CFAP251: variants seen among roughly 807,000 people sequenced by gnomAD.
The protein encoded by CFAP251 is cilia- and flagella-associated protein 251.
Under a neutral mutation model 126.7 loss-of-function variants are expected in CFAP251, and 93 were observed. That is an observed-to-expected ratio of 0.73 (90% confidence interval 0.62 to 0.87). CFAP251 has a LOEUF of 0.87. Ranked by LOEUF, CFAP251 falls within the 40% of genes least tolerant of loss-of-function variation. The pLI is 0.00. For synonymous variants in CFAP251, 503 were observed against 506.9 expected (o/e 0.99, Z 0.10); for missense variants, 1,287 against 1,389.2 (o/e 0.93, Z 1.17).
intron 15 of CFAP251, among the ~76,000 whole-genome samples, chr12:121,965,624 G>T (rs1882094042): frequency 6.6e-6 from 1 of 152,094 alleles, no homozygotes; most frequent in Non-Finnish European, 1.5e-5. Context: ...TCTGTGTAAT[G>T]ACGTGGAAAT....
At chr12:121,956,470 T>C (rs1016208004) in intron 10 of CFAP251, among the ~76,000 whole-genome samples, 4 of 152,174 alleles carry the variant, frequency 2.6e-5, no homozygotes, top group Non-Finnish European at 4.4e-5. Context: ...ATATGGGATG[T>C]ACTTACACTA....
intron 7 of CFAP251, among the ~76,000 whole-genome samples, chr12:121,943,799 A>G (rs775209836): frequency 6.6e-6 from 1 of 152,228 alleles, no homozygotes; most frequent in Non-Finnish European, 1.5e-5. Flanking sequence ...TTTTTGAAGC[A>G]CTTATGTTCC....
At chr12:122,000,162 G>A (rs1243050266) in intron 20 of CFAP251, among the ~76,000 whole-genome samples, 3 of 152,160 alleles carry the variant, frequency 2.0e-5, no homozygotes, top group African/African-American at 4.8e-5. Flanking sequence ...AATGTGATTC[G>A]TGTTGCAACT....
chr12:121,942,743 C>A, intron 6 of CFAP251, 98 bp downstream of exon 6: 1 of 1,239,796 alleles, frequency 8.1e-7, no homozygotes, highest in Non-Finnish European at 1.1e-6. Context: ...TGTGTGATGT[C>A]TGTGATATTC....
intron 19 of CFAP251, among the ~76,000 whole-genome samples, chr12:121,991,448 G>A (rs1882872629): frequency 1.3e-5 from 2 of 152,210 alleles, no homozygotes; most frequent in Admixed American, 1.3e-4. Context: ...TATTCAAAGT[G>A]TGGTCCCCAG....
chr12:121,977,876 G>C (rs1385340617), intron 19 of CFAP251, among the ~76,000 whole-genome samples: 2 of 147,392 alleles, frequency 1.4e-5, no homozygotes, highest in East Asian at 4.0e-4. Flanking sequence ...GGAGAATGGC[G>C]TGAACCCGGG....
intron 19 of CFAP251, among the ~76,000 whole-genome samples, chr12:121,993,025 G>A (rs1430617022): frequency 4.4e-5 from 6 of 135,264 alleles, no homozygotes; most frequent in Non-Finnish European, 7.7e-5. Context: ...CCTCTCATGC[G>A]GAGCCGAAGC....
intron 19 of CFAP251, among the ~76,000 whole-genome samples, chr12:121,992,067 A>G (rs576859874): frequency 1.3e-5 from 2 of 152,328 alleles, no homozygotes; most frequent in African/African-American, 4.8e-5. Context: ...TGAATGGAAT[A>G]AAGCCCCGCC....
At position 121,923,980 on chromosome 12, in the gene CFAP251, T is replaced by G. The variant is rs1442406483; in HGVS notation, c.737T>G (p.Val246Gly). The change falls in exon 3 of 22, where the codon GTG becomes GGG. Residue 246 changes from valine (V) to glycine (G), a missense_variant. Transcript: ENST00000288912. The stretch of plus-strand genomic sequence containing the variant: ...TTTCAAAAGGATAAAAGCACCCCGG[T>G]GTATCCCTTGGTAAGTGTAATGCTT... ...ILFQKDKSTP[V>G]YPLTMTWSFG... 2 of 1,608,038 alleles carry G rather than the reference T, an allele frequency of 1.2e-6. No homozygotes were observed. Among genetic ancestry groups the G allele is most frequent in the East Asian group, 2.2e-5 (1 of 44,792 alleles).
At chr12:121,957,042 A>C in intron 10 of CFAP251, 32 bp from the exon 11 acceptor site, 1 of 1,512,038 alleles carries the variant, frequency 6.6e-7, no homozygotes, top group Non-Finnish European at 8.9e-7. Context: ...TATTATTGCT[A>C]TTTGCAAAAC....
At chr12:121,954,481 A>G in intron 10 of CFAP251, 147 bp downstream of exon 10, 1 of 684,670 alleles carries the variant, frequency 1.5e-6, no homozygotes, top group Non-Finnish European at 2.3e-6. Context: ...CCAGAAGTTC[A>G]AGACCAGCCT....
At chr12:121,942,819 T>TCAC in intron 6 of CFAP251, 76 bp from the exon 7 acceptor site, 1 of 1,524,332 alleles carries the variant, frequency 6.6e-7, no homozygotes, top group South Asian at 1.1e-5. Flanking sequence ...AGTTTTGGGG[T>TCAC]CACCACAAGA....
chr12:121,978,522 A>C (rs899301775), intron 19 of CFAP251, among the ~76,000 whole-genome samples: 20 of 151,652 alleles, frequency 1.3e-4, no homozygotes, highest in Non-Finnish European at 1.5e-5. Flanking sequence ...TTACTCAGAG[A>C]TCATCACTGT....
In CFAP251 at chr12:121,923,991, G is replaced by C. The variant is rs1231314191; in HGVS notation, c.747+1G>C. 2 of 1,594,572 alleles carry C rather than the reference G, an allele frequency of 1.3e-6. No homozygotes were observed. Among genetic ancestry groups the C allele is most frequent in the East Asian group, 2.2e-5 (1 of 44,546 alleles). ...TAAAAGCACCCCGGTGTATCCCTTG[G>C]TAAGTGTAATGCTTTTAAATCTCCC... On this transcript the variant is annotated splice_donor_variant, in intron 3 of 21. Coordinates refer to ENST00000288912, the MANE Select transcript of CFAP251 (RefSeq NM_144668.6). LOFTEE classifies it high-confidence loss of function.
intron 16 of CFAP251, 32 bp downstream of exon 16, chr12:121,967,101 T>C (rs1761330965): frequency 6.3e-7 from 1 of 1,584,904 alleles, no homozygotes; most frequent in Non-Finnish European, 8.7e-7. Context: ...GTTCTGGGAG[T>C]TGACTCTGTG....
At chr12:121,942,353 C>T (rs1311613801) in intron 5 of CFAP251, among the ~76,000 whole-genome samples, 181 bp from the exon 6 acceptor site, 5 of 152,190 alleles carry the variant, frequency 3.3e-5, no homozygotes, top group Non-Finnish European at 7.3e-5. Context: ...GACGCTCATC[C>T]ATGTCATAGC....
rs1351878529 is a variant in CFAP251, at chr12:121,950,807, C to T, written c.1270-673C>T. On this transcript the variant is annotated intron_variant, in intron 8 of 21. Coordinates refer to ENST00000288912, the MANE Select transcript of CFAP251 (RefSeq NM_144668.6). ...TCCTAACCTCAAGTGATCTGCCCGC[C>T]TCAGCCTCCCAAAGTGCTGAGATTA... 2.0e-5 allele frequency: 3 copies of T among 152,032 alleles called. No individual in the cohort carries two copies. The East Asian group carries it at 5.8e-4, about 30-fold the overall frequency. The allele number at this position is 152,032 out of a possible 1,614,324, so 9.4% of individuals were successfully genotyped here. A position where few individuals can be genotyped will look rare whatever the true frequency, so the allele number is the denominator to read the frequency against.
chr12:121,923,938 C>G lies in CFAP251; in HGVS notation c.695C>G (p.Thr232Ser). 6.2e-7 allele frequency: 1 copy of G among 1,613,914 alleles called. No homozygotes were observed. The highest frequency in any genetic ancestry group is 8.5e-7 in the Non-Finnish European group (1 of 1,179,986). ...TCCCGGGAGTCACTGGTGTCCAGCA[C>G]CACAGAGGACATTCTGTTTCAAAAG... ...GISRESLVSS[T>S]TEDILFQKDK... The change falls in exon 3 of 22, where the codon ACC becomes AGC. Residue 232 changes from threonine (T) to serine (S), a missense_variant. By Grantham distance (58) the Thr-to-Ser change is moderately conservative. Transcript: ENST00000288912.
Position 121,963,524 on chromosome 12 carries a change from G to A in CFAP251, c.2492+1362G>A, listed in dbSNP as rs534188834. Among the ~76,000 whole-genome samples the A allele has an allele frequency of 4.0e-5, 6 of 151,200 alleles. 1 individual carries two copies. The highest frequency in any genetic ancestry group is 4.3e-4 in the South Asian group (2 of 4,666). The stretch of plus-strand genomic sequence containing the variant: ...GAGGACACCAGCCGGGGAGCAGGGC[G>A]TCCGCTGCTGGGGAGCAGGGAGTCC... On this transcript the variant is annotated intron_variant, in intron 15 of 21. Coordinates refer to ENST00000288912, the MANE Select transcript of CFAP251 (RefSeq NM_144668.6).
Sources: gnomAD v4.1 joint callset for allele counts (sites outside exome capture counted in the v4.1 genomes callset) on GRCh38, gnomAD v4.1.1 for gene constraint, MANE v1.5 for transcripts, NCBI Gene and HGNC (gene_info 2026-07-23, HGNC 2026-07-21) for gene names.